NRG3: variants seen among roughly 807,000 people sequenced by gnomAD.
NRG3 encodes the protein pro-neuregulin-3, membrane-bound isoform.
NRG3 carries 31 observed loss-of-function variants against 66.9 expected under a neutral mutation model. The ratio of observed to expected loss-of-function variants is 0.46; its 90% confidence interval spans 0.35 to 0.63. The LOEUF is 0.63. Among genes scored for constraint, NRG3 ranks in the 20% least tolerant of loss-of-function variants. The probability of loss-of-function intolerance (pLI) is 0.00; values close to 1 mark genes in which losing one functional copy is unlikely to be tolerated. For missense variants in NRG3, 910 were observed against 878.9 expected, an observed-to-expected ratio of 1.04 and a Z score of -0.45; for synonymous variants, 393 against 359.4, an observed-to-expected ratio of 1.09 and a Z score of -1.06.
At chr10:82,437,254 A>G (rs1472092222) in intron 2 of NRG3, among the ~76,000 whole-genome samples, 1 of 149,916 alleles carries the variant, frequency 6.7e-6, no homozygotes, top group Non-Finnish European at 1.5e-5. Context: ...TTTTTTCTCT[A>G]TTCTTGTCTG....
At chr10:82,755,700 T>A (rs1021337053) in intron 3 of NRG3, among the ~76,000 whole-genome samples, 1 of 152,144 alleles carries the variant, frequency 6.6e-6, no homozygotes, top group Non-Finnish European at 1.5e-5. Context: ...ACCATTCCAC[T>A]GTAAATCAAT....
intron 1 of NRG3, among the ~76,000 whole-genome samples, chr10:82,256,827 T>C (rs1284427086): frequency 1.3e-5 from 2 of 152,158 alleles, no homozygotes; most frequent in African/African-American, 4.8e-5. Flanking sequence ...GCAAAATCAA[T>C]AGCTGAGTTC....
chr10:82,199,013 A>G (rs2074612702), intron 1 of NRG3, among the ~76,000 whole-genome samples: 1 of 149,082 alleles, frequency 6.7e-6, no homozygotes, highest in Non-Finnish European at 1.5e-5. Flanking sequence ...AAAAAAAAGT[A>G]CAAAAATTTT....
chr10:82,018,227 C>A (rs950894744), intron 1 of NRG3, among the ~76,000 whole-genome samples: 3 of 152,042 alleles, frequency 2.0e-5, no homozygotes, highest in Admixed American at 6.6e-5. Context: ...TCAGGTTTGT[C>A]AAAGATCAGA....
intron 2 of NRG3, among the ~76,000 whole-genome samples, chr10:82,636,936 G>A (rs2050242457): frequency 6.6e-6 from 1 of 151,876 alleles, no homozygotes; most frequent in African/African-American, 2.4e-5. Flanking sequence ...GGAGATGTAG[G>A]TCAAAAGATA....
intron 2 of NRG3, among the ~76,000 whole-genome samples, chr10:82,405,150 A>G (rs895088822): frequency 6.6e-6 from 1 of 152,184 alleles, no homozygotes; most frequent in Non-Finnish European, 1.5e-5. Flanking sequence ...AGACCTCAGA[A>G]AAGTGGTCGA....
chr10:82,830,804 G>A (rs1017040538), intron 3 of NRG3, among the ~76,000 whole-genome samples: 1 of 152,132 alleles, frequency 6.6e-6, no homozygotes. Flanking sequence ...TTATGCTAAG[G>A]TTGAGTTCCT....
At chr10:82,929,222 G>C (rs1453543649) in intron 4 of NRG3, among the ~76,000 whole-genome samples, 3 of 152,108 alleles carry the variant, frequency 2.0e-5, no homozygotes, top group Non-Finnish European at 2.9e-5. Flanking sequence ...ACATGCTAAT[G>C]GTAGGGGTGG....
chr10:81,943,649 T>G (rs896057015), intron 1 of NRG3, among the ~76,000 whole-genome samples: 4 of 152,154 alleles, frequency 2.6e-5, no homozygotes, highest in African/African-American at 9.6e-5. Context: ...TTAACTTTCA[T>G]AAGACCCATA....
chr10:82,162,059 G>T (rs929716507), intron 1 of NRG3, among the ~76,000 whole-genome samples: 1 of 152,042 alleles, frequency 6.6e-6, no homozygotes, highest in Non-Finnish European at 1.5e-5. Context: ...AGAATGCAAT[G>T]GAAAATGAAA....
chr10:82,195,279 G>T (rs1178294121), intron 1 of NRG3, among the ~76,000 whole-genome samples: 1 of 152,162 alleles, frequency 6.6e-6, no homozygotes, highest in African/African-American at 2.4e-5. Context: ...TGTTTCCATG[G>T]ACACGTGCAG....
chr10:82,240,799 T>C (rs1251595121), intron 1 of NRG3, among the ~76,000 whole-genome samples: 1 of 152,194 alleles, frequency 6.6e-6, no homozygotes, highest in African/African-American at 2.4e-5. Context: ...TTATTAGTAA[T>C]ATTCTTATTG....
At chr10:82,675,468 G>A (rs2053619852) in intron 2 of NRG3, among the ~76,000 whole-genome samples, 1 of 152,154 alleles carries the variant, frequency 6.6e-6, no homozygotes, top group Non-Finnish European at 1.5e-5. Context: ...CATTTCAAAA[G>A]GCCAATCTTA....
chr10:82,312,850 ATGAAAATGGATTGATAAT>A (rs1204338572), intron 1 of NRG3, among the ~76,000 whole-genome samples: 2 of 152,148 alleles, frequency 1.3e-5, no homozygotes, highest in East Asian at 1.9e-4. Flanking sequence ...AATGGTGTTC[ATGAAAATGGATTGATAAT>A]TGAAAATGGA....
chr10:82,018,204 T>C (rs1028958804), intron 1 of NRG3, among the ~76,000 whole-genome samples: 41 of 152,188 alleles, frequency 2.7e-4, no homozygotes, highest in African/African-American at 9.9e-4. Flanking sequence ...CCTTTCCCCA[T>C]TGCTTGTTTT....
chr10:82,017,401 G>C (rs567306789), intron 1 of NRG3, among the ~76,000 whole-genome samples: 1 of 152,110 alleles, frequency 6.6e-6, no homozygotes, highest in Non-Finnish European at 1.5e-5. Context: ...ATAAACATAC[G>C]TGTGCATGTG....
At chr10:82,182,435 CT>C (rs2073492603) in intron 1 of NRG3, among the ~76,000 whole-genome samples, 1 of 151,576 alleles carries the variant, frequency 6.6e-6, no homozygotes, top group South Asian at 2.1e-4. Flanking sequence ...TACCATGGGG[CT>C]TACATAATCA....
At chr10:82,507,559 GAT>G (rs1844800495) in intron 2 of NRG3, among the ~76,000 whole-genome samples, 1 of 152,116 alleles carries the variant, frequency 6.6e-6, no homozygotes, top group Admixed American at 6.5e-5. Context: ...TGTGTCTGTG[GAT>G]GCCACATCTG....
chr10:82,835,402 A>C (rs938996778), intron 3 of NRG3, among the ~76,000 whole-genome samples: 2 of 152,174 alleles, frequency 1.3e-5, no homozygotes, highest in East Asian at 3.8e-4. Context: ...TCCGTATTAA[A>C]AATGCAAGAT....
Sources: gnomAD v4.1 joint callset for allele counts (sites outside exome capture counted in the v4.1 genomes callset) on GRCh38, gnomAD v4.1.1 for gene constraint, MANE v1.5 for transcripts, NCBI Gene and HGNC (gene_info 2026-07-23, HGNC 2026-07-21) for gene names.